Variants in SCP2 observed in about 807,000 individuals in gnomAD.
SCP2 encodes sterol carrier protein 2.
In SCP2, 48 loss-of-function variants were observed where a neutral mutation model predicts 71.4. That is an observed-to-expected ratio of 0.67 (90% CI 0.53 to 0.86). The LOEUF (loss-of-function observed/expected upper bound fraction) is 0.86, where lower values mean the gene tolerates loss of function less well. Ranked by LOEUF, SCP2 falls within the 40% of genes least tolerant of loss-of-function variation. The pLI, the probability that SCP2 is intolerant of heterozygous loss-of-function variation, is 0.00. For missense variants in SCP2, 560 were observed against 655.6 expected, an observed-to-expected ratio of 0.85 and a Z score of 1.59; for synonymous variants, 220 against 218.1, an observed-to-expected ratio of 1.01 and a Z score of -0.08.
chr1:52,953,397 G>A (rs1655494751), intron 4 of SCP2, among the ~76,000 whole-genome samples: 2 of 151,988 alleles, frequency 1.3e-5, no homozygotes, highest in Non-Finnish European at 1.5e-5. Context: ...CAAGAGTGTG[G>A]TAGCATGATC....
intron 4 of SCP2, among the ~76,000 whole-genome samples, chr1:52,953,302 T>C (rs1655485841): frequency 6.6e-6 from 1 of 152,122 alleles, no homozygotes; most frequent in South Asian, 2.1e-4. Flanking sequence ...TATTAACATA[T>C]TGAGACTCAA....
intron 11 of SCP2, among the ~76,000 whole-genome samples, chr1:53,009,752 G>T (rs375897016): frequency 6.6e-6 from 1 of 152,176 alleles, no homozygotes; most frequent in Non-Finnish European, 1.5e-5. Context: ...AAAAGCAATG[G>T]CAACAAAAGC....
At chr1:52,960,547 T>C (rs1656277771) in intron 5 of SCP2, among the ~76,000 whole-genome samples, 1 of 141,630 alleles carries the variant, frequency 7.1e-6, no homozygotes, top group Admixed American at 7.2e-5. Flanking sequence ...TGTATGTATA[T>C]ACATGTGTAT....
At chr1:53,042,792 C>G (rs958229668) in intron 14 of SCP2, among the ~76,000 whole-genome samples, 1 of 152,136 alleles carries the variant, frequency 6.6e-6, no homozygotes, top group Non-Finnish European at 1.5e-5. Context: ...GTAAGATTTA[C>G]TTAAATGTAT....
intron 10 of SCP2, among the ~76,000 whole-genome samples, chr1:52,983,234 C>T (rs145476956): frequency 9.1e-4 from 139 of 152,224 alleles, no homozygotes; most frequent in African/African-American, 3.2e-3. Context: ...ATGTGATGGG[C>T]CATTTTTCTC....
chr1:52,958,159 G>A, intron 5 of SCP2, among the ~76,000 whole-genome samples: 1 of 150,036 alleles, frequency 6.7e-6, no homozygotes, highest in East Asian at 1.9e-4. Context: ...ATACCACACT[G>A]TCTTAATTAC....
chr1:53,037,534 G>A (rs1337202692), intron 13 of SCP2, among the ~76,000 whole-genome samples: 3 of 152,200 alleles, frequency 2.0e-5, no homozygotes, highest in East Asian at 3.9e-4. Flanking sequence ...AAAAGAGGAC[G>A]GGAGGGAGAA....
chr1:52,945,942 T>A (rs1374361722), intron 2 of SCP2, among the ~76,000 whole-genome samples: 1 of 151,722 alleles, frequency 6.6e-6, no homozygotes, highest in Non-Finnish European at 1.5e-5. Flanking sequence ...TTTTTTTTTT[T>A]AATTGAGACA....
At chr1:52,933,898 T>G (rs1002695199) in intron 1 of SCP2, among the ~76,000 whole-genome samples, 1 of 152,234 alleles carries the variant, frequency 6.6e-6, no homozygotes, top group African/African-American at 2.4e-5. Context: ...GTAACACTGT[T>G]GGCATCTTAG....
chr1:53,033,758 TA>T (rs1384101110), intron 13 of SCP2, among the ~76,000 whole-genome samples: 1 of 152,106 alleles, frequency 6.6e-6, no homozygotes, highest in East Asian at 1.9e-4. Context: ...GGGAGTGCCT[TA>T]AAAAATTAAA....
intron 12 of SCP2, among the ~76,000 whole-genome samples, chr1:53,024,567 C>CT (rs1213742580): frequency 5.7e-5 from 8 of 141,378 alleles, no homozygotes; most frequent in East Asian, 4.5e-4. Flanking sequence ...TTCTTTCTTT[C>CT]TTTTTTTTTC....
rs537190348 is a variant in SCP2, at chr1:52,987,391, T to G, written c.974-638T>G. 1.2e-4 allele frequency among the ~76,000 whole-genome samples: 19 copies of G among 152,328 alleles called. No individual in the cohort carries two copies. The South Asian group carries it at 2.1e-3, about 17-fold the overall frequency. The stretch of plus-strand genomic sequence containing the variant: ...TATCATTATTTGGAGCGTCCACATC[T>G]TATTACTTTATCGTAAATAGATGTG... On this transcript the variant is annotated intron_variant, in intron 10 of 15. Coordinates refer to ENST00000371514, the MANE Select transcript of SCP2 (RefSeq NM_002979.5).
chr1:53,015,307 GC>G (rs1661259267), intron 12 of SCP2, among the ~76,000 whole-genome samples: 1 of 152,152 alleles, frequency 6.6e-6, no homozygotes, highest in Non-Finnish European at 1.5e-5. Flanking sequence ...ATGGGTCTCG[GC>G]CCTAGCAACC....
rs370771511 is a variant in SCP2, at chr1:52,961,478, A to G, written c.397-25A>G. ...GAGACACTTATCATGTCAGCTGCTT[A>G]TGAAATTTTGTTCCCCCCTCTTAGT... On this transcript the variant is annotated intron_variant, in intron 5 of 15. Transcript: ENST00000371514. The G allele has an allele frequency of 1.6e-5, 25 of 1,612,808 alleles. No individual in the cohort carries two copies. In the African/African-American group the frequency reaches 3.3e-4, roughly 22 times the overall value.
At chr1:53,047,117 C>T (rs1663870687) in intron 14 of SCP2, among the ~76,000 whole-genome samples, 1 of 152,212 alleles carries the variant, frequency 6.6e-6, no homozygotes, top group South Asian at 2.1e-4. Context: ...GGAATGATAG[C>T]TTCCCTCTTT....
At chr1:52,980,675 G>A (rs1658407958) in intron 10 of SCP2, 132 bp downstream of exon 10, 2 of 931,948 alleles carry the variant, frequency 2.1e-6, no homozygotes. Context: ...GGAAATGAAT[G>A]TAAGCTGTTT....
At chr1:52,993,902 T>C (rs1054349016) in intron 11 of SCP2, 1 of 1,425,098 alleles carries the variant, frequency 7.0e-7, no homozygotes, top group African/African-American at 1.4e-5. Context: ...AGGACACCAC[T>C]GCAAATCTTC....
intron 8 of SCP2, among the ~76,000 whole-genome samples, chr1:52,977,118 T>A (rs1009105137): frequency 6.6e-6 from 1 of 152,238 alleles, no homozygotes; most frequent in Non-Finnish European, 1.5e-5. Flanking sequence ...GAAATTCTAC[T>A]CTATAATAGT....
chr1:53,040,590 G>T (rs905715148), intron 14 of SCP2, among the ~76,000 whole-genome samples: 3 of 151,948 alleles, frequency 2.0e-5, no homozygotes. Flanking sequence ...GCGTAGTGGC[G>T]GGCACGTGTA....
Sources: gnomAD v4.1 joint callset for allele counts (sites outside exome capture counted in the v4.1 genomes callset) on GRCh38, gnomAD v4.1.1 for gene constraint, MANE v1.5 for transcripts, NCBI Gene and HGNC (gene_info 2026-07-23, HGNC 2026-07-21) for gene names.